CHST9: variants seen among roughly 807,000 people sequenced by gnomAD.
The protein encoded by CHST9 is carbohydrate sulfotransferase 9, also known as GalNAc-4-sulfotransferase 2.
Under a neutral mutation model 44.4 loss-of-function variants are expected in CHST9, and 41 were observed. That is an observed-to-expected ratio of 0.92 (90% CI 0.72 to 1.20). The LOEUF (loss-of-function observed/expected upper bound fraction) is 1.20, where lower values mean the gene tolerates loss of function less well. CHST9 is among the 50% of genes most tolerant of loss of function. The pLI is 0.00. For synonymous variants in CHST9, 171 were observed against 178.4 expected, an observed-to-expected ratio of 0.96 and a Z score of 0.33; for missense variants, 504 against 516.5, an observed-to-expected ratio of 0.98 and a Z score of 0.23.
At chr18:27,008,702 T>C (rs772913173) in intron 4 of CHST9, among the ~76,000 whole-genome samples, 10 of 120,604 alleles carry the variant, frequency 8.3e-5, no homozygotes, top group Middle Eastern at 3.5e-3. Flanking sequence ...CTGCTCCCCC[T>C]GTCCTCTTGT....
At chr18:27,069,256 T>A (rs1023751778) in intron 2 of CHST9, among the ~76,000 whole-genome samples, 2 of 152,176 alleles carry the variant, frequency 1.3e-5, no homozygotes, top group African/African-American at 4.8e-5. Flanking sequence ...TTTCTTATCA[T>A]CCTATAATAA....
At chr18:26,945,927 G>C (rs1433597175) in intron 4 of CHST9, among the ~76,000 whole-genome samples, 2 of 152,110 alleles carry the variant, frequency 1.3e-5, no homozygotes, top group African/African-American at 4.8e-5. Flanking sequence ...ATTTTGTTAA[G>C]TATTCAGTAC....
At chr18:26,987,443 T>C (rs1421987052) in intron 4 of CHST9, among the ~76,000 whole-genome samples, 1 of 152,040 alleles carries the variant, frequency 6.6e-6, no homozygotes, top group African/African-American at 2.4e-5. Flanking sequence ...CAACACAAAA[T>C]TGACTAAAAC....
intron 4 of CHST9, among the ~76,000 whole-genome samples, chr18:27,010,097 A>C (rs1160652661): frequency 6.6e-6 from 1 of 152,216 alleles, no homozygotes; most frequent in Non-Finnish European, 1.5e-5. Flanking sequence ...CTTAAATATA[A>C]TTGTATCATA....
At chr18:27,059,345 A>G (rs1041508885) in intron 2 of CHST9, among the ~76,000 whole-genome samples, 2 of 152,236 alleles carry the variant, frequency 1.3e-5, no homozygotes, top group Non-Finnish European at 2.9e-5. Context: ...CTCTGAACTG[A>G]AACACTCAAA....
At chr18:27,067,819 C>T (rs537097039) in intron 2 of CHST9, among the ~76,000 whole-genome samples, 1 of 152,266 alleles carries the variant, frequency 6.6e-6, no homozygotes, top group Non-Finnish European at 1.5e-5. Flanking sequence ...CATTTTATTG[C>T]AGCCACACTA....
intron 2 of CHST9, among the ~76,000 whole-genome samples, chr18:27,084,702 A>T (rs2143692509): frequency 6.6e-6 from 1 of 151,226 alleles, no homozygotes; most frequent in African/African-American, 2.4e-5. Flanking sequence ...TTTGGGGTTG[A>T]TTTGCTCTTG....
At chr18:26,966,759 C>T (rs900518256) in intron 4 of CHST9, among the ~76,000 whole-genome samples, 1 of 151,374 alleles carries the variant, frequency 6.6e-6, no homozygotes, top group Non-Finnish European at 1.5e-5. Context: ...ATCAACTGAA[C>T]AAGTGAAGGA....
chr18:27,035,814 C>T (rs2057385079), intron 3 of CHST9, among the ~76,000 whole-genome samples: 1 of 152,006 alleles, frequency 6.6e-6, no homozygotes, highest in African/African-American at 2.4e-5. Context: ...AGCATGGTGA[C>T]TATAGTTAAC....
At chr18:26,992,996 A>T (rs1453517976) in intron 4 of CHST9, among the ~76,000 whole-genome samples, 2 of 152,148 alleles carry the variant, frequency 1.3e-5, no homozygotes, top group Non-Finnish European at 2.9e-5. Flanking sequence ...ATGCAGCTCA[A>T]ATACTTAAAC....
chr18:27,049,316 GT>G (rs2057539278), intron 2 of CHST9, among the ~76,000 whole-genome samples: 1 of 152,096 alleles, frequency 6.6e-6, no homozygotes, highest in Middle Eastern at 3.2e-3. Context: ...GGTTAGCTAG[GT>G]GACTTTGGGT....
chr18:26,909,456 G>A lies in CHST9; in HGVS notation c.*6803C>T, dbSNP rs1468491322. The A allele has an allele frequency of 1.3e-5, 2 of 152,054 alleles. No homozygotes were observed. The highest frequency in any genetic ancestry group is 6.6e-5 in the Admixed American group (1 of 15,260). 9.4% of individuals were successfully genotyped at this position (152,054 alleles called of 1,614,324 possible). On this transcript the variant is annotated 3_prime_UTR_variant, in exon 6 of 6. Transcript: ENST00000618847. ...AATTAGGTTAATTCTGATACAGGTC[G>A]TCCATACACTATTTTTTTCAGAAAT...
At chr18:26,952,100 CAG>C in intron 4 of CHST9, 1 of 422,724 alleles carries the variant, frequency 2.4e-6, no homozygotes, top group Non-Finnish European at 4.6e-6. Context: ...AATACTCGAA[CAG>C]CAAAGAGGAA....
chr18:27,090,525 C>A lies in CHST9; in HGVS notation c.122-42022G>T, dbSNP rs149966565. On this transcript the variant is annotated intron_variant, in intron 2 of 5. Transcript: ENST00000618847. Reference sequence around the variant, plus strand: ...TTTAGTCATGAAGTCCTTGCCCATGCCTATGTCCTGAATGGTATTGCCTAG... The same window carrying A: ...TTTAGTCATGAAGTCCTTGCCCATGACTATGTCCTGAATGGTATTGCCTAG... Among the ~76,000 whole-genome samples, 66 of 152,256 alleles carry A rather than the reference C, an allele frequency of 4.3e-4. 1 individual carries two copies. The East Asian group carries it at 0.013, about 29-fold the overall frequency.
chr18:27,156,306 A>T, intron 1 of CHST9, among the ~76,000 whole-genome samples: 1 of 152,044 alleles, frequency 6.6e-6, no homozygotes, highest in South Asian at 2.1e-4. Flanking sequence ...ATTAGTTTGA[A>T]ATGTCAGAAA....
chr18:26,950,875 AT>A (rs2056237108), intron 4 of CHST9, among the ~76,000 whole-genome samples: 1 of 152,184 alleles, frequency 6.6e-6, no homozygotes, highest in Admixed American at 6.5e-5. Context: ...TTGAAACAAA[AT>A]TTTTTTAAAG....
chr18:27,165,817 T>A (rs2058785548), intron 1 of CHST9, among the ~76,000 whole-genome samples: 1 of 152,206 alleles, frequency 6.6e-6, no homozygotes, highest in South Asian at 2.1e-4. Context: ...AACATTGTAT[T>A]TTCTAACACT....
In CHST9 at chr18:27,141,260, G is replaced by A. The variant is rs570967154; in HGVS notation, c.121+1429C>T. 1.6e-4 allele frequency among the ~76,000 whole-genome samples: 24 copies of A among 152,280 alleles called. No homozygotes were observed. In the South Asian group the frequency reaches 3.5e-3, roughly 22 times the overall value. ...GGCGCCTGTAGTCCCAGCTACTTGG[G>A]AGGCTGAGGCAGGAGAATGGCGTGA... On this transcript the variant is annotated intron_variant, in intron 2 of 5. Transcript: ENST00000618847.
chr18:26,967,397 T>C (rs1166343888), intron 4 of CHST9, among the ~76,000 whole-genome samples: 1 of 152,160 alleles, frequency 6.6e-6, no homozygotes, highest in Non-Finnish European at 1.5e-5. Context: ...CAGCTACTTG[T>C]TTTTTGCTTT....
Sources: gnomAD v4.1 joint callset for allele counts (sites outside exome capture counted in the v4.1 genomes callset) on GRCh38, gnomAD v4.1.1 for gene constraint, MANE v1.5 for transcripts, NCBI Gene and HGNC (gene_info 2026-07-23, HGNC 2026-07-21) for gene names.